The following ANGPTL1 variants were observed in gnomAD, a reference collection of about 807,000 sequenced individuals.
The protein encoded by ANGPTL1 is angiopoietin like 1.
ANGPTL1 carries 36 observed loss-of-function variants against 46.7 expected under a neutral mutation model. The observed-to-expected ratio is 0.77, with a 90% confidence interval of 0.59 to 1.02. The LOEUF (loss-of-function observed/expected upper bound fraction) is 1.02. ANGPTL1 is among the 50% of genes least tolerant of loss of function. The pLI is 0.00. For missense variants in ANGPTL1, 571 were observed against 594.7 expected (o/e 0.96, Z 0.41); for synonymous variants, 221 against 204.3 (o/e 1.08, Z -0.69).
At chr1:178,856,426 T>G (rs1271110381) in intron 3 of ANGPTL1, among the ~76,000 whole-genome samples, 2 of 121,286 alleles carry the variant, frequency 1.6e-5, no homozygotes, top group Admixed American at 1.7e-4. Flanking sequence ...TTTTTTTTTT[T>G]GAGAGATGAG....
At position 178,865,827 on chromosome 1, in the gene ANGPTL1, G is replaced by A. The variant is rs1186857877; in HGVS notation, c.-26-25C>T. On this transcript the variant is annotated intron_variant, in intron 2 of 5. Coordinates refer to ENST00000234816, the MANE Select transcript of ANGPTL1 (RefSeq NM_004673.4). ...TCTTTTGAAAAACAAATCAGTGAAG[G>A]AGAAAAAGCAAAAAGAATTCATATT... 10 of 1,381,060 alleles carry A rather than the reference G, an allele frequency of 7.2e-6. No individual in the cohort carries two copies. In the Admixed American group the frequency reaches 1.4e-4, roughly 19 times the overall value. The allele number at this position is 1,381,060 out of a possible 1,614,324, so 85.6% of individuals were successfully genotyped here.
rs1013294830 is a variant in ANGPTL1, at chr1:178,864,882, A to C, written c.823+72T>G. ...ATCGCAAAATGAATAAGCATTTATT[A>C]TGAGCATTGTTTCATAAGGCATAAA... On this transcript the variant is annotated intron_variant, in intron 3 of 5. Transcript: ENST00000234816. 40 of 1,040,064 alleles carry C rather than the reference A, an allele frequency of 3.8e-5. No individual in the cohort carries two copies. The African/African-American group carries it at 6.3e-4, about 16-fold the overall frequency. The allele number at this position is 1,040,064 out of a possible 1,614,324, so 64.4% of individuals were successfully genotyped here.
chr1:178,869,805 T>A (rs567278847), intron 1 of ANGPTL1, among the ~76,000 whole-genome samples: 1 of 152,238 alleles, frequency 6.6e-6, no homozygotes, highest in South Asian at 2.1e-4. Flanking sequence ...AACTTAAGTG[T>A]CTTTGGTTTA....
At chr1:178,861,006 G>A (rs1657969189) in intron 3 of ANGPTL1, among the ~76,000 whole-genome samples, 1 of 152,116 alleles carries the variant, frequency 6.6e-6, no homozygotes, top group South Asian at 2.1e-4. Flanking sequence ...AATTTAGTAA[G>A]CATCACAGAA....
At chr1:178,859,790 C>T (rs1388491459) in intron 3 of ANGPTL1, among the ~76,000 whole-genome samples, 3 of 127,464 alleles carry the variant, frequency 2.4e-5, no homozygotes, top group Non-Finnish European at 3.4e-5. Context: ...CTCTGCCTCC[C>T]GGGTTCATGC....
At position 178,852,753 on chromosome 1, in the gene ANGPTL1, T is replaced by C. The variant is rs1657259587; in HGVS notation, c.1218A>G (p.Ala406=). The C allele has an allele frequency of 6.2e-7, 1 of 1,613,844 alleles. No individual in the cohort carries two copies. The highest frequency in any genetic ancestry group is 8.5e-7 in the Non-Finnish European group (1 of 1,179,878). ...RLRLGTYQGN[A]GDSMMWHNGK... Reference sequence around the variant, plus strand: ...CATTATGCCACATCATAGAATCCCCTGCATTTCCCTGGTAAGTTCCCAGGC... The same window carrying C: ...CATTATGCCACATCATAGAATCCCCCGCATTTCCCTGGTAAGTTCCCAGGC... Residue 406 remains alanine (A), a synonymous_variant, in exon 5 of 6, where the codon GCA becomes GCG. Transcript: ENST00000234816.
intron 2 of ANGPTL1, among the ~76,000 whole-genome samples, chr1:178,868,019 G>T (rs982186189): frequency 6.6e-6 from 1 of 151,918 alleles, no homozygotes; most frequent in African/African-American, 2.4e-5. Flanking sequence ...ACAAGAGAGG[G>T]AATGAAAACA....
At chr1:178,867,617 C>A (rs954405759) in intron 2 of ANGPTL1, among the ~76,000 whole-genome samples, 1 of 151,954 alleles carries the variant, frequency 6.6e-6, no homozygotes, top group Non-Finnish European at 1.5e-5. Context: ...TTTTTCGCTG[C>A]CTTTTCCTGG....
rs141473288 is a variant in ANGPTL1, at chr1:178,852,934, T to C, written c.1037A>G (p.Asp346Gly). 1 of 1,611,750 alleles carries C rather than the reference T, an allele frequency of 6.2e-7. No individual in the cohort carries two copies. Among genetic ancestry groups the C allele is most frequent in the African/African-American group, 1.3e-5 (1 of 74,828 alleles). The change falls in exon 5 of 6, where the codon GAC becomes GGC. Residue 346 changes from aspartate (D) to glycine (G), a missense_variant. Coordinates refer to ENST00000234816, the MANE Select transcript of ANGPTL1 (RefSeq NM_004673.4). ...ENYKKGFGNI[D>G]GEYWLGLENI... ...TTCCAGTCCAAGCCAGTATTCTCCG[T>C]CAATGTTTCCAAACCCTTTCTGTTA...
At chr1:178,870,461 A>G (rs895759387) in intron 1 of ANGPTL1, among the ~76,000 whole-genome samples, 3 of 152,210 alleles carry the variant, frequency 2.0e-5, no homozygotes, top group African/African-American at 7.2e-5. Context: ...CTGTCACTAA[A>G]GCACTTGTTT....
At position 178,870,776 on chromosome 1, in the gene ANGPTL1, T is replaced by C. The variant is rs1373980857; in HGVS notation, c.-172A>G. ...CTGTTGATTCAGTGAATCCAGAAACTTGCTGCCCTTATTCTTGATTTTAAA... is the reference window on the plus strand; with the variant it reads ...CTGTTGATTCAGTGAATCCAGAAACCTGCTGCCCTTATTCTTGATTTTAAA... On this transcript the variant is annotated 5_prime_UTR_variant, in exon 1 of 6. Coordinates refer to ENST00000234816, the MANE Select transcript of ANGPTL1 (RefSeq NM_004673.4). The C allele has an allele frequency of 2.0e-5, 3 of 152,200 alleles. No homozygotes were observed. Among genetic ancestry groups the C allele is most frequent in the Non-Finnish European group, 2.9e-5 (2 of 68,018 alleles). The allele number at this position is 152,200 out of a possible 1,614,324, so 9.4% of individuals were successfully genotyped here.
At position 178,852,782 on chromosome 1, in the gene ANGPTL1, G is replaced by A. The variant is rs758614879; in HGVS notation, c.1189C>T (p.Leu397=). The change falls in exon 5 of 6, where the codon CTG becomes TTG. Residue 397 remains leucine, a synonymous_variant. Transcript: ENST00000234816. ...RLEPESEFYR[L]RLGTYQGNAG... Reference sequence around the variant, plus strand: ...TTTCCCTGGTAAGTTCCCAGGCGCAGTCTATAGAATTCACTTTCAGGTTCC... The same window carrying A: ...TTTCCCTGGTAAGTTCCCAGGCGCAATCTATAGAATTCACTTTCAGGTTCC... 7 of 1,613,790 alleles carry A rather than the reference G, an allele frequency of 4.3e-6. No individual in the cohort carries two copies. Among genetic ancestry groups the A allele is most frequent in the Non-Finnish European group, 5.9e-6 (7 of 1,179,874 alleles).
chr1:178,861,899 G>T (rs1658040771), intron 3 of ANGPTL1, among the ~76,000 whole-genome samples: 1 of 152,080 alleles, frequency 6.6e-6, no homozygotes, highest in Non-Finnish European at 1.5e-5. Flanking sequence ...TGTTGTTTGA[G>T]TCTCACTCTG....
chr1:178,864,955 T>C lies in ANGPTL1; in HGVS notation c.822A>G (p.Glu274=), dbSNP rs1040829352. The C allele has an allele frequency of 3.4e-6, 5 of 1,449,796 alleles. No individual in the cohort carries two copies. Among genetic ancestry groups the C allele is most frequent in the Non-Finnish European group, 4.5e-6 (5 of 1,101,132 alleles). 89.8% of individuals were successfully genotyped at this position (1,449,796 alleles called of 1,614,324 possible). Residue 274 remains glutamate, a splice_region_variant and synonymous_variant, in exon 3 of 6, where the codon GAA becomes GAG. Transcript: ENST00000234816. ...FKIPPVTFIN[E]GPFKDCQQAK... is the part of the protein sequence containing the mutation. ...TTTTTACAGTAAGAGGTAACTCACC[T>C]TCATTGATGAAAGTTACCGGTGGTA...
intron 3 of ANGPTL1, among the ~76,000 whole-genome samples, chr1:178,860,123 C>T (rs746785658): frequency 2.6e-5 from 4 of 152,110 alleles, no homozygotes; most frequent in Non-Finnish European, 4.4e-5. Context: ...GAACTTTCTC[C>T]ACTCAGCTCT....
At chr1:178,852,978 G>A (rs760883969) in intron 4 of ANGPTL1, 25 bp from the exon 5 acceptor site, 2 of 1,587,952 alleles carry the variant, frequency 1.3e-6, no homozygotes, top group Non-Finnish European at 1.7e-6. Flanking sequence ...AGAAACATGA[G>A]TGCATAAATA....
chr1:178,856,420 T>TTTTTTTTTTTTTTTTTTTTTGTTTTG (rs1558152822), intron 3 of ANGPTL1, among the ~76,000 whole-genome samples: 1 of 120,566 alleles, frequency 8.3e-6, no homozygotes, highest in African/African-American at 3.5e-5. Context: ...TTTTTTTTTT[T>TTTTTTTTTTTTTTTTTTTTTGTTTTG]TTTTTTGAGA....
At position 178,865,250 on chromosome 1, in the gene ANGPTL1, T is replaced by C; in HGVS notation, c.527A>G (p.Glu176Gly). ...ATCAGTCAAGGAAGCGTATTTCACC[T>C]CTAGTTCCCTGTATCTTGTTGCCAT... The part of the protein sequence containing the change: ...LKMATRYREL[E>G]VKYASLTDLV... The change falls in exon 3 of 6, where the codon GAG becomes GGG. Residue 176 changes from glutamate (E) to glycine (G), a missense_variant. By Grantham distance (98) the Glu-to-Gly change is moderately conservative. Transcript: ENST00000234816. The C allele has an allele frequency of 6.2e-6, 10 of 1,614,152 alleles. No individual in the cohort carries two copies. The highest frequency in any genetic ancestry group is 8.5e-6 in the Non-Finnish European group (10 of 1,180,006).
At chr1:178,853,280 T>C in intron 4 of ANGPTL1, 1 of 911,032 alleles carries the variant, frequency 1.1e-6, no homozygotes, top group Non-Finnish European at 1.3e-6. Flanking sequence ...TAAAAAGGGT[T>C]CCTGGTCTCT....
Sources: allele counts gnomAD v4.1 joint callset (sites outside exome capture counted in the v4.1 genomes callset), GRCh38; gene constraint gnomAD v4.1.1; transcripts MANE v1.5; gene names NCBI Gene and HGNC (gene_info 2026-07-23, HGNC 2026-07-21).